CDC73: variants seen among roughly 807,000 people sequenced by gnomAD.
The protein encoded by CDC73 is cell division cycle 73, also known as parafibromin.
CDC73 carries 21 observed loss-of-function variants against 83.7 expected under a neutral mutation model. The observed-to-expected ratio is 0.25, with a 90% CI of 0.18 to 0.36. The LOEUF (loss-of-function observed/expected upper bound fraction) is 0.36. Among genes scored for constraint, CDC73 ranks in the 10% least tolerant of loss-of-function variants. CDC73 has a pLI of 1.00. For synonymous variants in CDC73, 224 were observed against 212.9 expected (o/e 1.05, Z -0.45); for missense variants, 342 against 653.3 (o/e 0.52, Z 5.19).
Position 193,141,960 on chromosome 1 carries a change from T to A in CDC73, c.623T>A (p.Leu208His). Residue 208 changes from leucine to histidine, a missense_variant, in exon 7 of 17, where the codon CTT (leucine) becomes CAT (histidine). Physicochemically the swap from Leu to His is moderately conservative, Grantham distance 99. Around this residue, in one of 3 missense-constraint regions of CDC73, gnomAD observed 239 missense variants for 420.6 expected, o/e 0.57. Coordinates refer to ENST00000367435, the MANE Select transcript of CDC73 (RefSeq NM_024529.5). The stretch of plus-strand genomic sequence containing the variant: ...GATCTAGATGATGACATAACTGCCC[T>A]TAAACAGAGGAGTTTTGTGGATGCT... ...KTDLDDDITA[L>H]KQRSFVDAEV... 1.2e-6 allele frequency: 2 copies of A among 1,613,934 alleles called. No homozygotes were observed. Among genetic ancestry groups the A allele is most frequent in the Non-Finnish European group, 1.7e-6 (2 of 1,179,846 alleles).
chr1:193,167,666 T>A (rs192523450), intron 10 of CDC73, among the ~76,000 whole-genome samples: 201 of 152,302 alleles, frequency 1.3e-3, no homozygotes, highest in Non-Finnish European at 2.5e-3. Context: ...TTTAATTTTT[T>A]AATTTTTGTA....
chr1:193,133,793 C>G (rs1245141241), intron 3 of CDC73, among the ~76,000 whole-genome samples: 2 of 151,938 alleles, frequency 1.3e-5, no homozygotes, highest in East Asian at 1.9e-4. Flanking sequence ...GCATAAAAGA[C>G]CAAACACTCT....
chr1:193,241,792 G>A (rs146642142), intron 15 of CDC73, among the ~76,000 whole-genome samples: 15 of 152,336 alleles, frequency 9.8e-5, no homozygotes, highest in East Asian at 3.9e-4. Flanking sequence ...CTGCTAGGGC[G>A]GCAGAAGGGG....
chr1:193,212,033 C>T lies in CDC73; in HGVS notation c.1031-32C>T, dbSNP rs1387132009. 8 of 1,531,714 alleles carry T rather than the reference C, an allele frequency of 5.2e-6. No homozygotes were observed. In the Admixed American group the frequency reaches 1.3e-4, roughly 24 times the overall value. 94.9% of individuals were successfully genotyped at this position (1,531,714 alleles called of 1,614,324 possible). A position where few individuals can be genotyped will look rare whatever the true frequency, so the allele number is the denominator to read the frequency against. On this transcript the variant is annotated intron_variant, in intron 11 of 16. Transcript: ENST00000367435. ...GAAAATAAGAATATGGTTTTTATGA[C>T]ACAGAGTTGTGATTTTTTTTCTTTT...
intron 10 of CDC73, chr1:193,180,833 G>A (rs1371707610): frequency 6.2e-7 from 1 of 1,614,050 alleles, no homozygotes. Flanking sequence ...TATGGAATAT[G>A]TGGACAGTAT....
intron 13 of CDC73, among the ~76,000 whole-genome samples, chr1:193,219,615 A>T (rs1677431609): frequency 6.6e-6 from 1 of 152,180 alleles, no homozygotes; most frequent in South Asian, 2.1e-4. Context: ...GGAAGCCATT[A>T]TCCTAACAAA....
intron 1 of CDC73, among the ~76,000 whole-genome samples, chr1:193,122,876 G>A (rs1255327422): frequency 6.6e-6 from 1 of 152,158 alleles, no homozygotes; most frequent in Admixed American, 6.5e-5. Flanking sequence ...TGGTGAATTT[G>A]GAAGAGTCAT....
Position 193,130,157 on chromosome 1 carries a change from T to C in CDC73, c.238-17T>C, listed in dbSNP as rs756047037. On this transcript the variant is annotated splice_polypyrimidine_tract_variant and intron_variant, in intron 2 of 16. Transcript: ENST00000367435. ...ATTGTTATTCATTTCATATCTCATTTAAAATTTTGGTTTTAGACTGAAAAT... is the reference window on the plus strand; with the variant it reads ...ATTGTTATTCATTTCATATCTCATTCAAAATTTTGGTTTTAGACTGAAAAT... 6.2e-6 allele frequency: 8 copies of C among 1,285,114 alleles called. No homozygotes were observed. Among genetic ancestry groups the C allele is most frequent in the Non-Finnish European group, 9.1e-6 (8 of 880,874 alleles). 79.6% of individuals were successfully genotyped at this position (1,285,114 alleles called of 1,614,324 possible).
intron 2 of CDC73, among the ~76,000 whole-genome samples, chr1:193,129,471 T>A (rs1675650803): frequency 7.9e-6 from 1 of 126,402 alleles, no homozygotes. Flanking sequence ...TATATCTTCC[T>A]GGAATTTCAA....
intron 14 of CDC73, among the ~76,000 whole-genome samples, chr1:193,234,272 A>ATATATATAATTTAT (rs1491397306): frequency 4.6e-5 from 6 of 129,404 alleles, no homozygotes; most frequent in African/African-American, 1.4e-4. Flanking sequence ...TTTAATTATA[A>ATATATATAATTTAT]TATATATAAT....
chr1:193,146,969 CTT>C (rs1035537695), intron 7 of CDC73, among the ~76,000 whole-genome samples: 8 of 151,912 alleles, frequency 5.3e-5, no homozygotes, highest in African/African-American at 1.7e-4. Flanking sequence ...CTAGAAGCCT[CTT>C]TTGACAAATG....
rs1278381694 is a variant in CDC73, at chr1:193,252,905, A to G, written c.*2193A>G. The G allele has an allele frequency of 8.6e-6, 2 of 231,684 alleles. No homozygotes were observed. The highest frequency in any genetic ancestry group is 4.4e-5 in the African/African-American group (2 of 45,284). The allele number at this position is 231,684 out of a possible 1,614,324, so 14.4% of individuals were successfully genotyped here. ...TTTTCAGTGTAACAAATTTATTATA[A>G]AAGTGTAGTTCGACTCTTCTTGGTC... On this transcript the variant is annotated 3_prime_UTR_variant, in exon 17 of 17. Transcript: ENST00000367435.
chr1:193,133,041 A>G (rs546908735), intron 3 of CDC73, among the ~76,000 whole-genome samples: 1 of 151,746 alleles, frequency 6.6e-6, no homozygotes, highest in Non-Finnish European at 1.5e-5. Flanking sequence ...AGCTGGGACT[A>G]CAGGCGCCTG....
chr1:193,226,930 T>C (rs1677575961), intron 13 of CDC73, among the ~76,000 whole-genome samples: 1 of 152,208 alleles, frequency 6.6e-6, no homozygotes, highest in Non-Finnish European at 1.5e-5. Flanking sequence ...AATTCAGCTG[T>C]GAATCCTTCT....
Position 193,201,116 on chromosome 1 carries a change from A to G in CDC73, c.973-2679A>G, listed in dbSNP as rs140463291. 2.6e-5 allele frequency among the ~76,000 whole-genome samples: 4 copies of G among 151,544 alleles called. No homozygotes were observed. The East Asian group carries it at 7.7e-4, about 29-fold the overall frequency. On this transcript the variant is annotated intron_variant, in intron 10 of 16. Transcript: ENST00000367435. The stretch of plus-strand genomic sequence containing the variant: ...GGGGGTGGGTGTGTATACCAACTCA[A>G]AAATTAAAGTTGTACTGTACTGACC...
chr1:193,137,285 A>G (rs996438398), intron 5 of CDC73, among the ~76,000 whole-genome samples: 2 of 152,238 alleles, frequency 1.3e-5, no homozygotes, highest in African/African-American at 2.4e-5. Flanking sequence ...AGATTTTTAC[A>G]TGATAGATTA....
chr1:193,147,362 G>GTT (rs938278913), intron 7 of CDC73, among the ~76,000 whole-genome samples: 1 of 144,562 alleles, frequency 6.9e-6, no homozygotes, highest in Non-Finnish European at 1.5e-5. Flanking sequence ...ATTTGTAGCA[G>GTT]TTTTTTTTTT....
chr1:193,236,296 C>A lies in CDC73; in HGVS notation c.1357C>A (p.Gln453Lys). ...CGTTTTTGTGCAGGGTCCTGCATGGCAGTTCAAAGGTTGGCCATGGCTTTT... is the reference window on the plus strand; with the variant it reads ...CGTTTTTGTGCAGGGTCCTGCATGGAAGTTCAAAGGTTGGCCATGGCTTTT... ...VAVFVQGPAW[Q>K]FKGWPWLLPD... Residue 453 changes from glutamine to lysine, a missense_variant, in exon 15 of 17, where the codon CAG (glutamine) becomes AAG (lysine). Coordinates refer to ENST00000367435, the MANE Select transcript of CDC73 (RefSeq NM_024529.5). The A allele has an allele frequency of 6.2e-7, 1 of 1,613,974 alleles. No individual in the cohort carries two copies. The highest frequency in any genetic ancestry group is 8.5e-7 in the Non-Finnish European group (1 of 1,179,852).
chr1:193,134,317 G>A (rs1435791217), intron 3 of CDC73, among the ~76,000 whole-genome samples: 1 of 151,894 alleles, frequency 6.6e-6, no homozygotes, highest in Non-Finnish European at 1.5e-5. Context: ...CATCAACAGG[G>A]ACCTAGTTAA....
Sources: gnomAD v4.1 joint callset for allele counts (sites outside exome capture counted in the v4.1 genomes callset) on GRCh38, gnomAD v4.1.1 for gene constraint, gnomAD v4.1.1 regional missense constraint, MANE v1.5 for transcripts, NCBI Gene and HGNC (gene_info 2026-07-23, HGNC 2026-07-21) for gene names.